Variants in BHMT2 observed in about 807,000 individuals in gnomAD.
The protein encoded by BHMT2 is betaine--homocysteine S-methyltransferase 2, also known as S-methylmethionine--homocysteine S-methyltransferase BHMT2.
BHMT2 carries 28 observed loss-of-function variants against 39.0 expected under a neutral mutation model. The ratio of observed to expected loss-of-function variants is 0.72; its 90% confidence interval spans 0.53 to 0.98. The LOEUF (loss-of-function observed/expected upper bound fraction) is 0.98. BHMT2 is among the 50% of genes least tolerant of loss of function. The pLI is 0.00. For synonymous variants in BHMT2, 145 were observed against 160.6 expected, an observed-to-expected ratio of 0.90 and a Z score of 0.74; for missense variants, 410 against 455.6, an observed-to-expected ratio of 0.90 and a Z score of 0.91.
chr5:79,088,500 A>C lies in BHMT2; in HGVS notation c.1018A>C (p.Arg340=), dbSNP rs56053829. 2 of 1,613,818 alleles carry C rather than the reference A, an allele frequency of 1.2e-6. No homozygotes were observed. Among genetic ancestry groups the C allele is most frequent in the Non-Finnish European group, 1.7e-6 (2 of 1,179,834 alleles). Residue 340 remains arginine, a synonymous_variant, in exon 8 of 8, where the codon AGG becomes CGG. Transcript: ENST00000255192. ...GTATATATTGAAACACAGGGCTCGA[A>C]GGGAGTATTGGGAGAATCTGCTGCC... ...TKPWIRARAR[R]EYWENLLPAS...
chr5:79,075,356 T>C (rs1755654087), intron 1 of BHMT2, among the ~76,000 whole-genome samples: 1 of 152,146 alleles, frequency 6.6e-6, no homozygotes, highest in South Asian at 2.1e-4. Flanking sequence ...TGGGGGCCTC[T>C]TTTTTACACA....
Position 79,079,364 on chromosome 5 carries a change from T to G in BHMT2, c.167-5T>G. ...TTCAATGTTTAAAACCCAACTACTT[T>G]GTAGTTCGTCAACTTCACATGGAAT... On this transcript the variant is annotated splice_region_variant and splice_polypyrimidine_tract_variant and intron_variant, in intron 2 of 7. Transcript: ENST00000255192. 3 of 1,597,892 alleles carry G rather than the reference T, an allele frequency of 1.9e-6. No homozygotes were observed. The highest frequency in any genetic ancestry group is 2.6e-6 in the Non-Finnish European group (3 of 1,167,202).
intron 4 of BHMT2, among the ~76,000 whole-genome samples, chr5:79,081,335 C>T (rs1415446319): frequency 6.6e-6 from 1 of 152,204 alleles, no homozygotes; most frequent in East Asian, 1.9e-4. Flanking sequence ...GTTTCCATAG[C>T]CTTCTCCATC....
In BHMT2 at chr5:79,082,360, C is replaced by CT. The variant is rs1269753207; in HGVS notation, c.451-448dup. 6 of 155,932 alleles carry CT rather than the reference C, an allele frequency of 3.8e-5. No individual in the cohort carries two copies. In the East Asian group the frequency reaches 1.1e-3, roughly 29 times the overall value. 9.7% of individuals were successfully genotyped at this position (155,932 alleles called of 1,614,324 possible). Reference sequence around the variant, plus strand: ...TACTTTATGGAGCACTTATGAATATCTAACTAGAAGTGAATATAAAAGCTC... The same window carrying CT: ...TACTTTATGGAGCACTTATGAATATCTTAACTAGAAGTGAATATAAAAGCTC... On this transcript the variant is annotated intron_variant, in intron 4 of 7. Transcript: ENST00000255192.
chr5:79,079,580 G>GT, intron 3 of BHMT2, 120 bp downstream of exon 3: 1 of 727,760 alleles, frequency 1.4e-6, no homozygotes, highest in East Asian at 2.7e-5. Context: ...ATATAAATAT[G>GT]TATTAATTTT....
chr5:79,084,907 T>C, intron 7 of BHMT2, among the ~76,000 whole-genome samples: 1 of 152,212 alleles, frequency 6.6e-6, no homozygotes, highest in Non-Finnish European at 1.5e-5. Flanking sequence ...TAAAATTATA[T>C]ATTTAACCAC....
At chr5:79,088,393 TGTGTGG>T in intron 7 of BHMT2, 94 bp from the exon 8 acceptor site, 10 of 683,900 alleles carry the variant, frequency 1.5e-5, no homozygotes, top group Non-Finnish European at 2.2e-5. Context: ...TGTGTGTGTG[TGTGTGG>T]TTATATACAT....
At chr5:79,085,487 C>A (rs1463502876) in intron 7 of BHMT2, among the ~76,000 whole-genome samples, 2 of 152,222 alleles carry the variant, frequency 1.3e-5, no homozygotes, top group Non-Finnish European at 2.9e-5. Flanking sequence ...TCAAGACCAG[C>A]CTGGCCAACA....
rs192556962 is a variant in BHMT2, at chr5:79,080,162, T to C, written c.259-525T>C. The stretch of plus-strand genomic sequence containing the variant: ...ATATCCAGCATTGCCACCTATTGGC[T>C]GTGTGGCTTTGTGTAAGACACCTAC... On this transcript the variant is annotated intron_variant, in intron 3 of 7. Coordinates refer to ENST00000255192, the MANE Select transcript of BHMT2 (RefSeq NM_017614.5). 5.3e-4 allele frequency among the ~76,000 whole-genome samples: 80 copies of C among 152,370 alleles called. 1 individual carries two copies. In the Middle Eastern group the frequency reaches 0.01, roughly 19 times the overall value.
In BHMT2 at chr5:79,083,699, A is replaced by G. The variant is rs1421263082; in HGVS notation, c.853A>G (p.Arg285Gly). 1 of 1,614,042 alleles carries G rather than the reference A, an allele frequency of 6.2e-7. No homozygotes were observed. The highest frequency in any genetic ancestry group is 8.5e-7 in the Non-Finnish European group (1 of 1,180,038). ...YAREAYNLGVRYIGGCCGFEP... is the reference protein window; with the variant it reads ...YAREAYNLGVGYIGGCCGFEP... Reference sequence around the variant, plus strand: ...CAGAGAGGCCTACAACCTGGGGGTCAGGTACATTGGCGGGTGCTGTGGATT... The same window carrying G: ...CAGAGAGGCCTACAACCTGGGGGTCGGGTACATTGGCGGGTGCTGTGGATT... Residue 285 changes from arginine to glycine, a missense_variant, in exon 7 of 8, where the codon AGG becomes GGG. Coordinates refer to ENST00000255192, the MANE Select transcript of BHMT2 (RefSeq NM_017614.5).
At chr5:79,087,014 G>GTATATATATATATATATATATATA (rs369119738) in intron 7 of BHMT2, among the ~76,000 whole-genome samples, 17 of 118,302 alleles carry the variant, frequency 1.4e-4, no homozygotes, top group Non-Finnish European at 2.6e-4. Context: ...GTGTGTGTGT[G>GTATATATATATATATATATATATA]TATATATATA....
At position 79,083,230 on chromosome 5, in the gene BHMT2, G is replaced by A. The variant is rs763225133; in HGVS notation, c.637G>A (p.Asp213Asn). Residue 213 changes from aspartate (D) to asparagine (N), a missense_variant, in exon 6 of 8, where the codon GAC becomes AAC. Coordinates refer to ENST00000255192, the MANE Select transcript of BHMT2 (RefSeq NM_017614.5). ...IVGVNCRFGP[D>N]TSLKTMELMK... ...TGGCGTGAACTGCCGCTTTGGGCCC[G>A]ACACCAGCTTGAAGACGATGGAGCT... 5 of 1,614,022 alleles carry A rather than the reference G, an allele frequency of 3.1e-6. No individual in the cohort carries two copies. The highest frequency in any genetic ancestry group is 2.2e-5 in the South Asian group (2 of 91,082).
chr5:79,083,595 G>T (rs762887597), intron 6 of BHMT2, 33 bp from the exon 7 acceptor site: 1 of 1,607,952 alleles, frequency 6.2e-7, no homozygotes, highest in Non-Finnish European at 8.5e-7. Context: ...AATGAGAACA[G>T]TAACAGAAAT....
At chr5:79,079,604 A>T in intron 3 of BHMT2, 144 bp downstream of exon 3, 1 of 651,160 alleles carries the variant, frequency 1.5e-6, no homozygotes, top group Non-Finnish European at 2.6e-6. Flanking sequence ...GTGAAGATAT[A>T]TACTAAATAG....
chr5:79,084,262 CTTTT>C lies in BHMT2; in HGVS notation c.1010+409_1010+412del, dbSNP rs140789418. Reference sequence around the variant, plus strand: ...ACCACAGCTCCCTGGGGCCTCTTGTCTTTTTTGTTTGTTTGTTTGTTTGTTTGTT... The same window carrying C: ...ACCACAGCTCCCTGGGGCCTCTTGTCTTGTTTGTTTGTTTGTTTGTTTGTT... On this transcript the variant is annotated intron_variant, in intron 7 of 7. Transcript: ENST00000255192. 8.5e-3 allele frequency among the ~76,000 whole-genome samples: 1,289 copies of C among 151,786 alleles called. 17 individuals are homozygous for C. The highest frequency in any genetic ancestry group is 0.03 in the African/African-American group (1,221 of 41,306).
chr5:79,087,010 G>GTATATATATATATA (rs71615505), intron 7 of BHMT2, among the ~76,000 whole-genome samples: 131 of 113,370 alleles, frequency 1.2e-3, no homozygotes, highest in Non-Finnish European at 1.6e-3. Context: ...GTGTGTGTGT[G>GTATATATATATATA]TGTGTATATA....
chr5:79,069,884 C>A, intron 1 of BHMT2, 69 bp downstream of exon 1: 1 of 1,308,316 alleles, frequency 7.6e-7, no homozygotes, highest in Non-Finnish European at 9.8e-7. Flanking sequence ...CGTTCACACC[C>A]GGCGTCCATC....
intron 1 of BHMT2, among the ~76,000 whole-genome samples, chr5:79,071,845 A>AAAAAT (rs1554039290): frequency 6.9e-5 from 10 of 144,474 alleles, no homozygotes; most frequent in East Asian, 2.0e-4. Context: ...AAAAAAAAAA[A>AAAAAT]CTAAAGAAGG....
Position 79,077,503 on chromosome 5 carries a change from T to G in BHMT2, c.57T>G (p.Ser19Arg). The G allele has an allele frequency of 6.2e-7, 1 of 1,609,002 alleles. No homozygotes were observed. Among genetic ancestry groups the G allele is most frequent in the South Asian group, 1.1e-5 (1 of 90,840 alleles). The change falls in exon 2 of 8, where the codon AGT becomes AGG. Residue 19 changes from serine to arginine, a missense_variant. By Grantham distance (110) the Ser-to-Arg change is moderately radical. Transcript: ENST00000255192. ...AKKGILERLE[S>R]GEVVIGDGSF... ...AGGGGATTTTGGAGCGCCTGGAGAG[T>G]GGGGAGGTTGTGATTGGAGATGGCA...
Sources: allele counts gnomAD v4.1 joint callset (sites outside exome capture counted in the v4.1 genomes callset), GRCh38; gene constraint gnomAD v4.1.1; transcripts MANE v1.5; gene names NCBI Gene and HGNC (gene_info 2026-07-23, HGNC 2026-07-21).